Variants in NT5E observed in about 807,000 individuals in gnomAD.
NT5E encodes the protein 5'-nucleotidase.
In NT5E, 53 loss-of-function variants were observed where a neutral mutation model predicts 55.1. The ratio of observed to expected loss-of-function variants is 0.96; its 90% CI spans 0.77 to 1.21. The LOEUF (loss-of-function observed/expected upper bound fraction) is 1.21. Ranked by LOEUF, NT5E falls within the 50% of genes most tolerant of loss-of-function variation. The pLI is 0.00. For missense variants in NT5E, 683 were observed against 724.3 expected (o/e 0.94, Z 0.65); for synonymous variants, 270 against 278.4 (o/e 0.97, Z 0.30).
chr6:85,471,209 T>G (rs1769296626), intron 2 of NT5E, 28 bp from the exon 3 acceptor site: 1 of 1,471,648 alleles, frequency 6.8e-7, no homozygotes, highest in South Asian at 1.2e-5. Context: ...TGTTAATAAA[T>G]ATCCATTTTA....
At chr6:85,490,054 C>G (rs988825811) in intron 6 of NT5E, among the ~76,000 whole-genome samples, 1 of 152,204 alleles carries the variant, frequency 6.6e-6, no homozygotes, top group Non-Finnish European at 1.5e-5. Context: ...CAAAACAAAT[C>G]AACTACACAA....
At chr6:85,460,775 G>A (rs1442470801) in intron 1 of NT5E, among the ~76,000 whole-genome samples, 1 of 152,148 alleles carries the variant, frequency 6.6e-6, no homozygotes, top group Non-Finnish European at 1.5e-5. Context: ...ACACTCCTGG[G>A]GTGAGAGCAA....
intron 6 of NT5E, among the ~76,000 whole-genome samples, chr6:85,490,181 T>C (rs1039454802): frequency 5.3e-5 from 8 of 152,218 alleles, no homozygotes; most frequent in Non-Finnish European, 1.2e-4. Flanking sequence ...AGGGGCACAT[T>C]GTTTGTCTGG....
intron 2 of NT5E, among the ~76,000 whole-genome samples, chr6:85,468,763 C>T (rs1769245488): frequency 6.6e-6 from 1 of 151,906 alleles, no homozygotes; most frequent in South Asian, 2.1e-4. Context: ...TAAAAGGCAC[C>T]CATAAGGAGG....
intron 1 of NT5E, among the ~76,000 whole-genome samples, chr6:85,458,748 A>G (rs1249658331): frequency 2.0e-5 from 3 of 152,202 alleles, no homozygotes; most frequent in East Asian, 3.9e-4. Flanking sequence ...CTGGACCTCA[A>G]TTAGTTGGGC....
chr6:85,491,013 C>T (rs772378630), intron 7 of NT5E: 54 of 523,754 alleles, frequency 1.0e-4, no homozygotes, highest in Non-Finnish European at 1.9e-4. Flanking sequence ...TTCTACTCAT[C>T]GTTGCCTGGA....
chr6:85,492,009 C>T lies in NT5E; in HGVS notation c.1393C>T (p.Pro465Ser), dbSNP rs748280726. Residue 465 changes from proline to serine, a missense_variant, in exon 8 of 9, where the codon CCT becomes TCT. By Grantham distance (74) the Pro-to-Ser change is moderately conservative. Coordinates refer to ENST00000257770, the MANE Select transcript of NT5E (RefSeq NM_002526.4). ...IHVVYDLSRK[P>S]GDRVVKLDVL... ...TGTGGTGTATGATCTTTCCCGAAAA[C>T]CTGGAGACAGAGTAGTCAAATTAGA... 6.2e-7 allele frequency: 1 copy of T among 1,614,126 alleles called. No homozygotes were observed. The highest frequency in any genetic ancestry group is 1.1e-5 in the South Asian group (1 of 91,080).
chr6:85,490,777 C>A, intron 7 of NT5E, 120 bp downstream of exon 7: 1 of 1,075,726 alleles, frequency 9.3e-7, no homozygotes, highest in South Asian at 1.3e-5. Context: ...TTTTCCCGAC[C>A]CAACACCAAT....
intron 3 of NT5E, among the ~76,000 whole-genome samples, chr6:85,474,055 A>G (rs1769376499): frequency 6.6e-6 from 1 of 152,218 alleles, no homozygotes; most frequent in Non-Finnish European, 1.5e-5. Context: ...ATAACAGTAC[A>G]GTCATGCCTT....
chr6:85,481,628 G>C (rs950641849), intron 3 of NT5E, among the ~76,000 whole-genome samples: 19 of 152,172 alleles, frequency 1.2e-4, no homozygotes, highest in African/African-American at 4.6e-4. Flanking sequence ...GGCTTCAGAA[G>C]CTCTTTACTC....
intron 1 of NT5E, among the ~76,000 whole-genome samples, chr6:85,464,341 G>T (rs1562137550): frequency 6.6e-6 from 1 of 152,102 alleles, no homozygotes; most frequent in Non-Finnish European, 1.5e-5. Context: ...CATGACGCTG[G>T]CATGTGGCAA....
rs116873913 is a variant in NT5E at position 85,470,536 on chromosome 6, C to T, written c.563-701C>T. ...TATGGTCTCGGCTCATTGCAGCCTC[C>T]GCCTGGCAGGTTCAAGACATTCTCC... On this transcript the variant is annotated intron_variant, in intron 2 of 8. Coordinates refer to ENST00000257770, the MANE Select transcript of NT5E (RefSeq NM_002526.4). 8.5e-4 allele frequency among the ~76,000 whole-genome samples: 130 copies of T among 152,272 alleles called. 2 individuals carry two copies. In the East Asian group the frequency reaches 0.019, roughly 22 times the overall value.
At chr6:85,476,632 A>C (rs1431686490) in intron 3 of NT5E, among the ~76,000 whole-genome samples, 3 of 152,214 alleles carry the variant, frequency 2.0e-5, no homozygotes, top group African/African-American at 7.2e-5. Flanking sequence ...ATCAGCTTGC[A>C]CGAACAAATT....
In NT5E at chr6:85,491,921, T is replaced by C. The variant is rs1049335234; in HGVS notation, c.1361-56T>C. On this transcript the variant is annotated intron_variant, in intron 7 of 8. Transcript: ENST00000257770. ...ATTGTAGAGTTTGGCCAAAATTCCTTAGGAAACAGAAATCTCCCTTTGGAT... is the reference window on the plus strand; with the variant it reads ...ATTGTAGAGTTTGGCCAAAATTCCTCAGGAAACAGAAATCTCCCTTTGGAT... 1.8e-5 allele frequency: 28 copies of C among 1,556,138 alleles called. 1 individual carries two copies. In the South Asian group the frequency reaches 2.9e-4, roughly 16 times the overall value.
chr6:85,492,222 G>A (rs934393970), intron 8 of NT5E, 45 bp downstream of exon 8: 2 of 1,580,522 alleles, frequency 1.3e-6, no homozygotes, highest in Non-Finnish European at 1.7e-6. Flanking sequence ...CAACAAAATT[G>A]GGCCAAGAAG....
intron 6 of NT5E, among the ~76,000 whole-genome samples, chr6:85,489,915 TAAC>T (rs1769747268): frequency 6.6e-6 from 1 of 152,134 alleles, no homozygotes; most frequent in South Asian, 2.1e-4. Context: ...TTATGCAAAA[TAAC>T]AACAGTCACC....
At chr6:85,488,813 T>C (rs1769722012) in intron 5 of NT5E, among the ~76,000 whole-genome samples, 1 of 151,648 alleles carries the variant, frequency 6.6e-6, no homozygotes, top group African/African-American at 2.4e-5. Context: ...ACTCCTGACC[T>C]TAGGTGATCC....
intron 3 of NT5E, among the ~76,000 whole-genome samples, chr6:85,474,721 G>A (rs1769390178): frequency 6.6e-6 from 1 of 152,150 alleles, no homozygotes; most frequent in Non-Finnish European, 1.5e-5. Context: ...TTGAGCCCAG[G>A]AGTTCGAGAC....
chr6:85,491,066 C>T (rs1769771506), intron 7 of NT5E: 1 of 531,462 alleles, frequency 1.9e-6, no homozygotes, highest in Non-Finnish European at 3.9e-6. Flanking sequence ...TCTGTATTAA[C>T]CAGGATGATT....
Sources: gnomAD v4.1 joint callset for allele counts (sites outside exome capture counted in the v4.1 genomes callset) on GRCh38, gnomAD v4.1.1 for gene constraint, MANE v1.5 for transcripts, NCBI Gene and HGNC (gene_info 2026-07-23, HGNC 2026-07-21) for gene names.